Variants in PCDH15 observed in about 807,000 individuals in gnomAD.
The protein encoded by PCDH15 is protocadherin related 15, also known as protocadherin-15.
Under a neutral mutation model 178.5 loss-of-function variants are expected in PCDH15, and 129 were observed. The observed-to-expected ratio is 0.72, with a 90% CI of 0.63 to 0.84. The LOEUF (loss-of-function observed/expected upper bound fraction) is 0.84. Ranked by LOEUF, PCDH15 falls within the 40% of genes least tolerant of loss-of-function variation. The pLI, the probability that PCDH15 is intolerant of heterozygous loss-of-function variation, is 0.00. For synonymous variants in PCDH15, 800 were observed against 732.0 expected (o/e 1.09, Z -1.50); for missense variants, 2,230 against 2,099.9 (o/e 1.06, Z -1.21).
chr10:54,952,803 C>T (rs918984397), intron 2 of PCDH15, among the ~76,000 whole-genome samples: 9 of 151,492 alleles, frequency 5.9e-5, no homozygotes, highest in Non-Finnish European at 1.0e-4. Flanking sequence ...TTTTTCGTTA[C>T]TGGCACATAA....
intron 3 of PCDH15, among the ~76,000 whole-genome samples, chr10:54,516,837 G>T (rs556992615): frequency 6.6e-6 from 1 of 152,352 alleles, no homozygotes; most frequent in Non-Finnish European, 1.5e-5. Context: ...ACAAAGGGAA[G>T]CTCATCAGAG....
intron 1 of PCDH15, among the ~76,000 whole-genome samples, chr10:55,180,884 C>A (rs1303520572): frequency 6.6e-6 from 1 of 151,830 alleles, no homozygotes; most frequent in Non-Finnish European, 1.5e-5. Context: ...TTTATTTTAG[C>A]CCAGTTGGAA....
At chr10:55,545,232 T>C (rs919604249) in intron 2 of PCDH15, among the ~76,000 whole-genome samples, 8 of 151,786 alleles carry the variant, frequency 5.3e-5, no homozygotes, top group Non-Finnish European at 1.2e-4. Context: ...AAGATAAGAA[T>C]TTCAACTAAT....
chr10:54,367,104 G>A (rs770264190), intron 5 of PCDH15, among the ~76,000 whole-genome samples: 10 of 152,052 alleles, frequency 6.6e-5, no homozygotes, highest in South Asian at 2.1e-4. Context: ...GCATGGTAGG[G>A]AGGATCTTAT....
chr10:55,243,422 G>T (rs888553655), intron 1 of PCDH15, among the ~76,000 whole-genome samples: 26 of 152,154 alleles, frequency 1.7e-4, no homozygotes, highest in Admixed American at 1.4e-3. Context: ...AAATTTATGT[G>T]AATAACAAGA....
At chr10:55,098,213 T>G (rs1334047983) in intron 2 of PCDH15, among the ~76,000 whole-genome samples, 1 of 152,176 alleles carries the variant, frequency 6.6e-6, no homozygotes. Context: ...ATCAATCTCA[T>G]TTCCAGACGA....
At chr10:54,456,438 C>A (rs1004828014) in intron 3 of PCDH15, among the ~76,000 whole-genome samples, 1 of 149,930 alleles carries the variant, frequency 6.7e-6, no homozygotes, top group Non-Finnish European at 1.5e-5. Flanking sequence ...TTGTGTTGGC[C>A]AATTACCTCT....
At chr10:54,709,776 A>G (rs1367329133) in intron 1 of PCDH15, among the ~76,000 whole-genome samples, 1 of 149,020 alleles carries the variant, frequency 6.7e-6, no homozygotes, top group Non-Finnish European at 1.5e-5. Flanking sequence ...TAATATGTAT[A>G]TAAAATAAGG....
intron 3 of PCDH15, among the ~76,000 whole-genome samples, chr10:54,421,847 C>CACTA (rs1454250568): frequency 1.1e-5 from 1 of 93,502 alleles, no homozygotes; most frequent in Admixed American, 1.0e-4. Context: ...TACACACACA[C>CACTA]TATATATATA....
At position 53,810,586 on chromosome 10, in the gene PCDH15, AC is replaced by A; in HGVS notation, c.4640del (p.Gly1547ValfsTer17). ...AGQEEYGEVV[G>X]EAEEEYEEEE... is the part of the protein sequence containing the mutation. ...CCTCCTCATATTCTTCCTCAGCTTC[AC>A]CAACCACCTCACCATATTCCTCCTG... On this transcript the variant is annotated frameshift_variant, in exon 37 of 38. Coordinates refer to ENST00000644397, the MANE Select transcript of PCDH15 (RefSeq NM_001384140.1). LOFTEE classifies it high-confidence loss of function. The A allele has an allele frequency of 6.2e-7, 1 of 1,613,806 alleles. No individual in the cohort carries two copies. Among genetic ancestry groups the A allele is most frequent in the Non-Finnish European group, 8.5e-7 (1 of 1,179,810 alleles).
chr10:53,907,247 C>T (rs1589360841), intron 25 of PCDH15: 1 of 152,136 alleles, frequency 6.6e-6, no homozygotes, highest in East Asian at 1.9e-4. Context: ...TTAAGATAGC[C>T]TGCTTTTTAT....
chr10:55,001,846 C>T (rs1591829090), intron 2 of PCDH15, among the ~76,000 whole-genome samples: 1 of 152,198 alleles, frequency 6.6e-6, no homozygotes. Context: ...CCCTAAGGAT[C>T]CTCTGACAAT....
At chr10:55,130,800 C>G (rs891578260) in intron 2 of PCDH15, among the ~76,000 whole-genome samples, 1 of 150,690 alleles carries the variant, frequency 6.6e-6, no homozygotes, top group Non-Finnish European at 1.5e-5. Flanking sequence ...TAACATTGTA[C>G]TAATTGATAG....
rs1202247835 is a variant in PCDH15 at position 54,922,592 on chromosome 10, G to C, written c.-79-25092C>G. ...TGATTGTGTTTTATAATGTGAGAAGGACATAAGATTTGGAAGGGGCCAGGG... is the reference window on the plus strand; with the variant it reads ...TGATTGTGTTTTATAATGTGAGAAGCACATAAGATTTGGAAGGGGCCAGGG... On this transcript the variant is annotated intron_variant, in intron 2 of 5. Coordinates refer to the PCDH15 transcript ENST00000458638. Among the ~76,000 whole-genome samples the C allele has an allele frequency of 2.6e-5, 4 of 152,144 alleles. No individual in the cohort carries two copies. In the South Asian group the frequency reaches 6.2e-4, roughly 24 times the overall value.
At chr10:55,625,876 T>A (rs2132176779) in intron 2 of PCDH15, among the ~76,000 whole-genome samples, 1 of 152,254 alleles carries the variant, frequency 6.6e-6, no homozygotes, top group Admixed American at 6.5e-5. Flanking sequence ...CCTAATTTAG[T>A]CCTACTCTCA....
intron 2 of PCDH15, among the ~76,000 whole-genome samples, chr10:55,031,648 T>G (rs113584667): frequency 6.6e-6 from 1 of 152,028 alleles, no homozygotes; most frequent in Non-Finnish European, 1.5e-5. Flanking sequence ...GAAGGTGAGG[T>G]TTTTTAGAGG....
intron 2 of PCDH15, among the ~76,000 whole-genome samples, chr10:55,384,331 G>T (rs1472437816): frequency 6.6e-6 from 1 of 152,058 alleles, no homozygotes; most frequent in Non-Finnish European, 1.5e-5. Context: ...GTAAATCAAT[G>T]TTTATATTTC....
chr10:55,165,979 A>C (rs1410074504), intron 2 of PCDH15, among the ~76,000 whole-genome samples: 1 of 152,020 alleles, frequency 6.6e-6, no homozygotes, highest in Non-Finnish European at 1.5e-5. Context: ...CCTAACTTTC[A>C]CTGAAGCTAT....
intron 2 of PCDH15, among the ~76,000 whole-genome samples, chr10:54,897,921 T>C (rs1262804715): frequency 6.6e-6 from 1 of 152,166 alleles, no homozygotes; most frequent in Non-Finnish European, 1.5e-5. Flanking sequence ...ACCTGGGTAT[T>C]AAAACAGCTT....
Sources: allele counts gnomAD v4.1 joint callset (sites outside exome capture counted in the v4.1 genomes callset), GRCh38; gene constraint gnomAD v4.1.1; transcripts MANE v1.5; gene names NCBI Gene and HGNC (gene_info 2026-07-23, HGNC 2026-07-21).